Variants in HS1BP3 observed in about 807,000 individuals in gnomAD.
HS1BP3 encodes HCLS1 binding protein 3, also known as HCLS1-binding protein 3.
In HS1BP3, 32 loss-of-function variants were observed where a neutral mutation model predicts 33.5. That is an observed-to-expected ratio of 0.95 (90% CI 0.72 to 1.28). HS1BP3 has a LOEUF of 1.28. HS1BP3 is among the 50% of genes most tolerant of loss of function. The pLI is 0.00. For synonymous variants in HS1BP3, 187 were observed against 209.2 expected (o/e 0.89, Z 0.92); for missense variants, 486 against 502.3 (o/e 0.97, Z 0.31).
At chr2:20,619,573 C>A (rs1426634828) in intron 6 of HS1BP3, among the ~76,000 whole-genome samples, 1 of 152,236 alleles carries the variant, frequency 6.6e-6, no homozygotes, top group African/African-American at 2.4e-5. Flanking sequence ...TCCCTCCAAT[C>A]CCTTCAGAAA....
downstream of HS1BP3, among the ~76,000 whole-genome samples, chr2:20,615,742 C>T (rs2149287849): frequency 6.6e-6 from 1 of 152,384 alleles, no homozygotes; most frequent in Admixed American, 6.5e-5. Flanking sequence ...TATGTCAACA[C>T]AACGCCCAGG....
chr2:20,589,111 G>T (rs1408400411), downstream of HS1BP3, among the ~76,000 whole-genome samples: 1 of 152,192 alleles, frequency 6.6e-6, no homozygotes, highest in Non-Finnish European at 1.5e-5. Context: ...TGCCCTGGGG[G>T]CCACAGAATG....
At chr2:20,591,635 G>A (rs993732740), downstream of HS1BP3, among the ~76,000 whole-genome samples, 3 of 152,178 alleles carry the variant, frequency 2.0e-5, no homozygotes, top group Non-Finnish European at 4.4e-5. Flanking sequence ...ACAGTGGCGC[G>A]ATCTTGGCTC....
In HS1BP3 at chr2:20,619,224, C is replaced by G. The variant is rs757795909; in HGVS notation, c.942G>C (p.Gln314His). ...TGGGCTCAGCTCCCAGGTTCAGAATCTGGTCCAAGTCCTCTTCAACTCTAG... is the reference window on the plus strand; with the variant it reads ...TGGGCTCAGCTCCCAGGTTCAGAATGTGGTCCAAGTCCTCTTCAACTCTAG... ...ELFRVEEDLD[Q>H]ILNLGAEPKP... The change falls in exon 7 of 7, where the codon CAG becomes CAC. Residue 314 changes from glutamine (Q) to histidine (H), a missense_variant. Gln to His is a conservative substitution (Grantham distance 24). Transcript: ENST00000304031. 1 of 1,610,182 alleles carries G rather than the reference C, an allele frequency of 6.2e-7. No individual in the cohort carries two copies. The highest frequency in any genetic ancestry group is 1.1e-5 in the South Asian group (1 of 90,434).
chr2:20,556,425 C>G (rs756819474), downstream of HS1BP3, among the ~76,000 whole-genome samples: 6 of 152,098 alleles, frequency 3.9e-5, no homozygotes. Flanking sequence ...AGTTTATGTT[C>G]TGACTTATTT....
chr2:20,577,757 G>T (rs887325697), intron 5 of HS1BP3, among the ~76,000 whole-genome samples: 4 of 152,228 alleles, frequency 2.6e-5, no homozygotes, highest in African/African-American at 7.2e-5. Context: ...AGGCTAGGTC[G>T]CATTCTTGGA....
At chr2:20,633,936 C>T (rs1695042461) in intron 4 of HS1BP3, among the ~76,000 whole-genome samples, 1 of 152,272 alleles carries the variant, frequency 6.6e-6, no homozygotes, top group African/African-American at 2.4e-5. Context: ...AGCTGTGGCA[C>T]CTGCCTCCTC....
chr2:20,615,067 G>A (rs956606587), downstream of HS1BP3, among the ~76,000 whole-genome samples: 2 of 152,240 alleles, frequency 1.3e-5, no homozygotes, highest in African/African-American at 4.8e-5. Flanking sequence ...TTGCCCAGTG[G>A]CCTGCCACCT....
downstream of HS1BP3, among the ~76,000 whole-genome samples, chr2:20,616,019 G>A (rs948316566): frequency 6.6e-6 from 1 of 152,214 alleles, no homozygotes; most frequent in African/African-American, 2.4e-5. Context: ...TTCCTAAGAG[G>A]AACAATGCCG....
At chr2:20,559,988 AGCG>A (rs1372697002), downstream of HS1BP3, among the ~76,000 whole-genome samples, 1 of 151,566 alleles carries the variant, frequency 6.6e-6, no homozygotes, top group African/African-American at 2.4e-5. Context: ...AATCCTTAGC[AGCG>A]GGAATACCAG....
chr2:20,643,289 A>C (rs1316526816), intron 2 of HS1BP3, among the ~76,000 whole-genome samples: 1 of 152,238 alleles, frequency 6.6e-6, no homozygotes, highest in Non-Finnish European at 1.5e-5. Flanking sequence ...CCTTGCATGT[A>C]AGGCCGGCCC....
chr2:20,631,380 T>C (rs1167237183), intron 4 of HS1BP3, among the ~76,000 whole-genome samples: 1 of 151,700 alleles, frequency 6.6e-6, no homozygotes, highest in African/African-American at 2.4e-5. Flanking sequence ...CCAGGCATGG[T>C]AGTGCATGCC....
At chr2:20,629,092 T>C (rs969890034) in intron 4 of HS1BP3, among the ~76,000 whole-genome samples, 2 of 152,142 alleles carry the variant, frequency 1.3e-5, no homozygotes, top group African/African-American at 4.8e-5. Flanking sequence ...GTTAAGGTGA[T>C]CGGCTGACAG....
intron 4 of HS1BP3, chr2:20,637,319 C>T (rs559304009): frequency 2.0e-5 from 3 of 152,326 alleles, no homozygotes; most frequent in East Asian, 1.9e-4. Flanking sequence ...AAAGGCCTGC[C>T]GCGTTGGGCC....
chr2:20,596,493 G>A (rs1019530316), intron 3 of HS1BP3, among the ~76,000 whole-genome samples: 1 of 152,188 alleles, frequency 6.6e-6, no homozygotes, highest in South Asian at 2.1e-4. Flanking sequence ...AGGACATGGT[G>A]AGAAGACAGC....
rs761155787 is a variant in HS1BP3, at chr2:20,619,183, A to G, written c.983T>C (p.Leu328Pro). 6.2e-7 allele frequency: 1 copy of G among 1,614,038 alleles called. No individual in the cohort carries two copies. Among genetic ancestry groups the G allele is most frequent in the Admixed American group, 1.7e-5 (1 of 60,006 alleles). ...AGCTGCCACTGGTGGCTTGGGCTTA[A>G]GCTGGGGCTTGGGTTTGGGCTCAGC... is the stretch of plus-strand genomic sequence containing the variant. Reference protein sequence around the residue: ...LGAEPKPKPQLKPKPPVAAKP... With the variant: ...LGAEPKPKPQPKPKPPVAAKP... Residue 328 changes from leucine to proline, a missense_variant, in exon 7 of 7, where the codon CTT (leucine) becomes CCT (proline). Coordinates refer to ENST00000304031, the MANE Select transcript of HS1BP3 (RefSeq NM_022460.4).
At chr2:20,633,739 T>G (rs1003793005) in intron 4 of HS1BP3, among the ~76,000 whole-genome samples, 2 of 152,184 alleles carry the variant, frequency 1.3e-5, no homozygotes, top group African/African-American at 4.8e-5. Flanking sequence ...ACCAGGCTGG[T>G]CTTGAACTCC....
At chr2:20,580,968 A>C (rs1478912982) in intron 5 of HS1BP3, among the ~76,000 whole-genome samples, 1 of 152,246 alleles carries the variant, frequency 6.6e-6, no homozygotes, top group African/African-American at 2.4e-5. Context: ...CTGAAGGCAC[A>C]GCCCCAGGTT....
chr2:20,597,467 T>C (rs1013930565), intron 3 of HS1BP3, among the ~76,000 whole-genome samples: 2 of 152,152 alleles, frequency 1.3e-5, no homozygotes, highest in African/African-American at 4.8e-5. Context: ...ACCTTCCACG[T>C]TGGCGTTCTC....
Sources: gnomAD v4.1 joint callset for allele counts (sites outside exome capture counted in the v4.1 genomes callset) on GRCh38, gnomAD v4.1.1 for gene constraint, MANE v1.5 for transcripts, NCBI Gene and HGNC (gene_info 2026-07-23, HGNC 2026-07-21) for gene names.